Variants in TMEM116 observed in about 807,000 individuals in gnomAD.
The protein encoded by TMEM116 is transmembrane protein 116.
Under a neutral mutation model 44.3 loss-of-function variants are expected in TMEM116, and 38 were observed. The ratio of observed to expected loss-of-function variants is 0.86; its 90% confidence interval spans 0.66 to 1.12. The LOEUF is 1.12. TMEM116 is among the 50% of genes most tolerant of loss of function. The pLI is 0.00. For synonymous variants in TMEM116, 132 were observed against 144.8 expected (o/e 0.91, Z 0.64); for missense variants, 354 against 401.7 (o/e 0.88, Z 1.01).
At chr12:111,998,272 A>G (rs1206511368) in intron 3 of TMEM116, among the ~76,000 whole-genome samples, 1 of 152,224 alleles carries the variant, frequency 6.6e-6, no homozygotes, top group Non-Finnish European at 1.5e-5. Context: ...CATTTTGGCA[A>G]CTACAAGATC....
rs150604779 is a variant in TMEM116 at position 111,986,312 on chromosome 12, T to A, written c.210+5446A>T. Reference sequence around the variant, plus strand: ...AGGTTGAGGCTGCAGTGAGCCACGATCATGCCACTGCACTTCAGACTGGGC... The same window carrying A: ...AGGTTGAGGCTGCAGTGAGCCACGAACATGCCACTGCACTTCAGACTGGGC... On this transcript the variant is annotated intron_variant, in intron 4 of 10. Coordinates refer to ENST00000552374, the MANE Select transcript of TMEM116 (RefSeq NM_001193531.2). Among the ~76,000 whole-genome samples, 214 of 152,178 alleles carry A rather than the reference T, an allele frequency of 1.4e-3. 2 individuals are homozygous for A. Among genetic ancestry groups the A allele is most frequent in the African/African-American group, 4.7e-3 (195 of 41,514 alleles).
chr12:111,957,441 C>T (rs550737584), intron 4 of TMEM116, among the ~76,000 whole-genome samples: 3 of 151,822 alleles, frequency 2.0e-5, no homozygotes, highest in Admixed American at 6.5e-5. Context: ...GCAGCCACCC[C>T]GTCTGGGAAG....
At chr12:111,987,509 CAAAA>C (rs35466717) in intron 4 of TMEM116, among the ~76,000 whole-genome samples, 4 of 91,634 alleles carry the variant, frequency 4.4e-5, no homozygotes, top group Admixed American at 1.0e-4. Context: ...TGTCCCCCCT[CAAAA>C]AAAAAAAAAA....
In TMEM116 at chr12:111,960,201, C is replaced by T. The variant is rs2074472522; in HGVS notation, c.211-16832G>A. On this transcript the variant is annotated intron_variant, in intron 4 of 10. Transcript: ENST00000552374. The stretch of plus-strand genomic sequence containing the variant: ...AGAACTCAGGATTAAGAAACTCACT[C>T]AGAATCGGCCGGGCACAGTGGCTCA... 2.6e-5 allele frequency among the ~76,000 whole-genome samples: 4 copies of T among 152,200 alleles called. No homozygotes were observed. In the South Asian group the frequency reaches 8.3e-4, roughly 32 times the overall value.
At chr12:111,948,565 A>G (rs1456255034) in intron 4 of TMEM116, among the ~76,000 whole-genome samples, 1 of 152,208 alleles carries the variant, frequency 6.6e-6, no homozygotes, top group Non-Finnish European at 1.5e-5. Flanking sequence ...TACCTAGAGC[A>G]TCTCAAACTT....
chr12:111,968,028 C>G (rs1438566284), intron 4 of TMEM116, among the ~76,000 whole-genome samples: 2 of 151,876 alleles, frequency 1.3e-5, no homozygotes, highest in African/African-American at 4.8e-5. Context: ...CCAAGGAGAC[C>G]AAGGTAGCTA....
intron 4 of TMEM116, among the ~76,000 whole-genome samples, chr12:111,976,027 G>C (rs2075649099): frequency 6.6e-6 from 1 of 152,052 alleles, no homozygotes; most frequent in East Asian, 1.9e-4. Flanking sequence ...TTGAGATGGA[G>C]TCTTGCTCTG....
At chr12:111,956,721 G>C (rs1401350654) in intron 4 of TMEM116, among the ~76,000 whole-genome samples, 1 of 152,170 alleles carries the variant, frequency 6.6e-6, no homozygotes, top group African/African-American at 2.4e-5. Flanking sequence ...CGCCGTGTTG[G>C]CTGGGCTGGT....
chr12:111,957,356 C>T (rs368978458), intron 4 of TMEM116, among the ~76,000 whole-genome samples: 119 of 151,660 alleles, frequency 7.8e-4, no homozygotes, highest in African/African-American at 2.8e-3. Flanking sequence ...TCTGACTGGC[C>T]GCCCTGTCTG....
At chr12:111,936,094 T>C (rs2072142145) in intron 8 of TMEM116, 1 of 152,196 alleles carries the variant, frequency 6.6e-6, no homozygotes, top group Non-Finnish European at 1.5e-5. Context: ...AAAATGATAC[T>C]GAAAAATAGA....
chr12:111,954,964 G>A (rs2073976621), intron 4 of TMEM116, among the ~76,000 whole-genome samples: 1 of 152,188 alleles, frequency 6.6e-6, no homozygotes, highest in Admixed American at 6.5e-5. Flanking sequence ...TTCTTGGAAG[G>A]CCAGAAGTTT....
intron 4 of TMEM116, among the ~76,000 whole-genome samples, chr12:111,976,691 A>G (rs1408096617): frequency 2.0e-5 from 3 of 152,212 alleles, no homozygotes; most frequent in East Asian, 3.8e-4. Flanking sequence ...ATCTAAAACA[A>G]TAACAATTAA....
chr12:111,943,058 A>G (rs934423838), intron 5 of TMEM116, among the ~76,000 whole-genome samples: 10 of 151,334 alleles, frequency 6.6e-5, no homozygotes, highest in Non-Finnish European at 1.5e-4. Flanking sequence ...AGTAGCTAGG[A>G]CTCCAGGCAT....
intron 8 of TMEM116, chr12:111,936,149 T>C (rs1273283412): frequency 6.6e-6 from 1 of 152,210 alleles, no homozygotes; most frequent in East Asian, 1.9e-4. Context: ...TGCTTTTGTA[T>C]GAGGCAGTTA....
At chr12:111,934,130 C>A (rs2071921213) in intron 8 of TMEM116, 100 bp from the exon 9 acceptor site, 2 of 1,354,344 alleles carry the variant, frequency 1.5e-6, no homozygotes, top group African/African-American at 1.5e-5. Context: ...CTTAGAATCT[C>A]ACAACAGGAA....
At chr12:112,006,450 G>C (rs2077589715) in intron 1 of TMEM116, among the ~76,000 whole-genome samples, 2 of 152,342 alleles carry the variant, frequency 1.3e-5, no homozygotes, top group Admixed American at 1.3e-4. Context: ...ATGGAAAAGA[G>C]AGATTGCATA....
chr12:111,958,277 TAAAAAAAAAAAAAAA>T (rs61637468), intron 4 of TMEM116, among the ~76,000 whole-genome samples: 8 of 27,520 alleles, frequency 2.9e-4, no homozygotes, highest in East Asian at 9.1e-4. Context: ...CAATAAATAC[TAAAAAAAAAAAAAAA>T]AAAAAAAAAA....
At chr12:111,938,122 G>C (rs1266767148) in intron 6 of TMEM116, 39 bp downstream of exon 6, 4 of 1,428,048 alleles carry the variant, frequency 2.8e-6, no homozygotes, top group South Asian at 1.3e-5. Flanking sequence ...AGAATAATGA[G>C]AGTCTACACC....
intron 4 of TMEM116, among the ~76,000 whole-genome samples, chr12:111,954,718 CTAACA>C (rs2073963773): frequency 6.6e-6 from 1 of 152,204 alleles, no homozygotes; most frequent in African/African-American, 2.4e-5. Flanking sequence ...ACTGGTGTCT[CTAACA>C]TATCTGACTA....
Sources: gnomAD v4.1 joint callset for allele counts (sites outside exome capture counted in the v4.1 genomes callset) on GRCh38, gnomAD v4.1.1 for gene constraint, MANE v1.5 for transcripts, NCBI Gene and HGNC (gene_info 2026-07-23, HGNC 2026-07-21) for gene names.